The following ATP2B2 variants were observed in gnomAD, a reference collection of about 807,000 sequenced individuals.
ATP2B2 encodes ATPase plasma membrane Ca2+ transporting 2, also known as plasma membrane calcium-transporting ATPase 2.
Under a neutral mutation model 120.0 loss-of-function variants are expected in ATP2B2, and 15 were observed. That is an observed-to-expected ratio of 0.12 (90% confidence interval 0.08 to 0.19). ATP2B2 has a LOEUF of 0.19. Among genes scored for constraint, ATP2B2 ranks in the 10% least tolerant of loss-of-function variants. The pLI is 1.00. For synonymous variants in ATP2B2, 694 were observed against 700.3 expected, an observed-to-expected ratio of 0.99 and a Z score of 0.14; for missense variants, 1,045 against 1,719.8, an observed-to-expected ratio of 0.61 and a Z score of 6.94.
intron 1 of ATP2B2, among the ~76,000 whole-genome samples, chr3:10,687,336 G>C (rs1378479751): frequency 6.6e-6 from 1 of 152,136 alleles, no homozygotes; most frequent in Non-Finnish European, 1.5e-5. Context: ...TGCAGACGGA[G>C]TGCCCAGGCA....
At chr3:10,445,920 G>T (rs1217378360) in intron 2 of ATP2B2, among the ~76,000 whole-genome samples, 1 of 152,196 alleles carries the variant, frequency 6.6e-6, no homozygotes, top group African/African-American at 2.4e-5. Context: ...GGCCAAGCAG[G>T]GTGGGACAAA....
intron 2 of ATP2B2, among the ~76,000 whole-genome samples, chr3:10,590,364 AT>A (rs2068614499): frequency 6.6e-6 from 1 of 152,194 alleles, no homozygotes; most frequent in Admixed American, 6.5e-5. Flanking sequence ...AACTGTATGC[AT>A]TTGTCAGAAT....
Position 10,625,199 on chromosome 3 carries a change from C to T in ATP2B2, c.-459-5238G>A, listed in dbSNP as rs372432292. 3.9e-5 allele frequency among the ~76,000 whole-genome samples: 6 copies of T among 152,312 alleles called. No homozygotes were observed. The South Asian group carries it at 6.2e-4, about 16-fold the overall frequency. On this transcript the variant is annotated intron_variant, in intron 1 of 21. Coordinates refer to the ATP2B2 transcript ENST00000646379. ...GCCACCTGCCTTGCAGGGGAATGAA[C>T]GGTCTGTGGGTACTTAAGGCATTGG... is the stretch of plus-strand genomic sequence containing the variant.
chr3:10,584,362 G>C (rs1280620268), intron 2 of ATP2B2, among the ~76,000 whole-genome samples: 1 of 152,184 alleles, frequency 6.6e-6, no homozygotes, highest in African/African-American at 2.4e-5. Context: ...AGTTCAGAGA[G>C]GGCTTTACCT....
intron 1 of ATP2B2, among the ~76,000 whole-genome samples, chr3:10,677,860 T>C (rs2071282494): frequency 6.6e-6 from 1 of 152,222 alleles, no homozygotes; most frequent in Non-Finnish European, 1.5e-5. Flanking sequence ...TGAGTAAGCT[T>C]TCGAGCCATA....
At chr3:10,544,400 T>C (rs555243582) in intron 2 of ATP2B2, among the ~76,000 whole-genome samples, 1 of 152,222 alleles carries the variant, frequency 6.6e-6, no homozygotes, top group Admixed American at 6.5e-5. Context: ...TCAAACAGAG[T>C]TTAACAAATA....
chr3:10,706,921 C>A (rs1450955857), intron 1 of ATP2B2, among the ~76,000 whole-genome samples: 1 of 152,192 alleles, frequency 6.6e-6, no homozygotes, highest in East Asian at 1.9e-4. Flanking sequence ...CACTCCTGCC[C>A]CCTGCTGTGT....
chr3:10,560,239 G>A (rs1017816654), intron 2 of ATP2B2, among the ~76,000 whole-genome samples: 1 of 152,172 alleles, frequency 6.6e-6, no homozygotes, highest in Non-Finnish European at 1.5e-5. Context: ...AGGCCAGGGC[G>A]GGAAACCTCA....
chr3:10,449,848 CA>C lies in ATP2B2; in HGVS notation c.-306del. On this transcript the variant is annotated 5_prime_UTR_variant, in exon 2 of 23. Transcript: ENST00000360273. ...TCCCTGGAACTGGCATCTACATGGT[CA>C]GGGGTGGTGGCTCCTGTGGGACAAG... The C allele has an allele frequency of 4.4e-6, 2 of 454,408 alleles. No homozygotes were observed. The highest frequency in any genetic ancestry group is 4.1e-5 in the South Asian group (2 of 48,708). The allele number at this position is 454,408 out of a possible 1,614,324, so 28.1% of individuals were successfully genotyped here. A position where few individuals can be genotyped will look rare whatever the true frequency, so the allele number is the denominator to read the frequency against.
At chr3:10,627,792 A>C (rs761342595) in intron 1 of ATP2B2, among the ~76,000 whole-genome samples, 2 of 152,162 alleles carry the variant, frequency 1.3e-5, no homozygotes, top group African/African-American at 4.8e-5. Context: ...AGGTAGACCC[A>C]GTGTCTGACC....
intron 2 of ATP2B2, among the ~76,000 whole-genome samples, chr3:10,612,761 A>G (rs367780004): frequency 4.6e-5 from 7 of 152,192 alleles, no homozygotes; most frequent in African/African-American, 1.4e-4. Context: ...TACCAAACCT[A>G]TTGCCCCCTC....
At chr3:10,474,079 T>A (rs1025024055) in intron 1 of ATP2B2, among the ~76,000 whole-genome samples, 1 of 152,022 alleles carries the variant, frequency 6.6e-6, no homozygotes, top group Non-Finnish European at 1.5e-5. Flanking sequence ...TAGGGACAGG[T>A]CTTGCCTGCA....
At position 10,347,320 on chromosome 3, in the gene ATP2B2, G is replaced by A. The variant is rs1212837050; in HGVS notation, c.2405-1183C>T. On this transcript the variant is annotated intron_variant, in intron 16 of 22. Coordinates refer to ENST00000360273, the MANE Select transcript of ATP2B2 (RefSeq NM_001001331.4). The surrounding 1 kb of genome is among the most constrained non-coding windows in gnomAD (Gnocchi z 5.2). ...CCTGTACTGTATTTTTGGCTCAGAG[G>A]CTGCTTTTCCCAGGAAGCCTTTCTG... Among the ~76,000 whole-genome samples the A allele has an allele frequency of 6.6e-6, 1 of 152,172 alleles. No homozygotes were observed. Among genetic ancestry groups the A allele is most frequent in the Non-Finnish European group, 1.5e-5 (1 of 68,034 alleles).
chr3:10,328,585 GC>G lies in ATP2B2; in HGVS notation c.*228del, dbSNP rs2059901714. On this transcript the variant is annotated 3_prime_UTR_variant, in exon 23 of 23. Coordinates refer to ENST00000360273, the MANE Select transcript of ATP2B2 (RefSeq NM_001001331.4). ...TTGGGAAAACCGCTCACTCCCGTAA[GC>G]CCCCAGTGGAGATCCCGCCCCTTGC... 3.5e-6 allele frequency: 2 copies of G among 569,838 alleles called. No individual in the cohort carries two copies. Among genetic ancestry groups the G allele is most frequent in the Non-Finnish European group, 6.1e-6 (2 of 326,670 alleles). 35.3% of individuals were successfully genotyped at this position (569,838 alleles called of 1,614,324 possible).
chr3:10,334,748 G>A lies in ATP2B2; in HGVS notation c.3420+3428C>T, dbSNP rs943637341. Among the ~76,000 whole-genome samples the A allele has an allele frequency of 7.9e-5, 12 of 152,124 alleles. No homozygotes were observed. The East Asian group carries it at 1.2e-3, about 15-fold the overall frequency. The stretch of plus-strand genomic sequence containing the variant: ...GCCATCAACAGGCTCCCTGTGGCCC[G>A]CGCCTCCTACTGGAGGCACTGAGGG... On this transcript the variant is annotated intron_variant, in intron 22 of 22. Transcript: ENST00000360273.
intron 1 of ATP2B2, among the ~76,000 whole-genome samples, chr3:10,673,806 CAAAAAAAAAAAA>C (rs549651187): frequency 1.2e-4 from 9 of 73,780 alleles, no homozygotes; most frequent in Non-Finnish European, 1.4e-4. Flanking sequence ...GACCCTGTTT[CAAAAAAAAAAAA>C]AAAAAAAAAA....
intron 14 of ATP2B2, among the ~76,000 whole-genome samples, chr3:10,354,039 G>T (rs1210238621): frequency 1.3e-5 from 2 of 152,128 alleles, no homozygotes. Context: ...ATCCCTTCCT[G>T]CCTTCTTGCC....
intron 2 of ATP2B2, among the ~76,000 whole-genome samples, chr3:10,428,691 G>A (rs999444095): frequency 2.6e-5 from 4 of 152,238 alleles, no homozygotes; most frequent in African/African-American, 7.2e-5. Flanking sequence ...AAAAAAGCAA[G>A]ATGAACAGAA....
intron 1 of ATP2B2, among the ~76,000 whole-genome samples, chr3:10,707,585 C>G (rs1370668910): frequency 3.9e-5 from 6 of 152,324 alleles, no homozygotes; most frequent in South Asian, 2.1e-4. Context: ...GACGCCCCCC[C>G]AGCTCCGGGG....
Sources: gnomAD v4.1 joint callset for allele counts (sites outside exome capture counted in the v4.1 genomes callset) on GRCh38, gnomAD v4.1.1 for gene constraint, Gnocchi (gnomAD v3.1) non-coding constraint, MANE v1.5 for transcripts, NCBI Gene and HGNC (gene_info 2026-07-23, HGNC 2026-07-21) for gene names.